LMF1: variants seen among roughly 807,000 people sequenced by gnomAD.
LMF1 encodes transmembrane protein 112.
A neutral mutation model predicts 60.6 loss-of-function variants in LMF1; 68 were observed. That is an observed-to-expected ratio of 1.12 (90% CI 0.92 to 1.37). The LOEUF is 1.37. Among genes scored for constraint, LMF1 ranks in the 40% most tolerant of loss-of-function variants. LMF1 has a pLI of 0.00. For synonymous variants in LMF1, 418 were observed against 324.7 expected, an observed-to-expected ratio of 1.29 and a Z score of -3.09; for missense variants, 948 against 767.2, an observed-to-expected ratio of 1.24 and a Z score of -2.78.
intron 2 of LMF1, among the ~76,000 whole-genome samples, chr16:946,647 A>G (rs140761966): frequency 6.6e-6 from 1 of 152,346 alleles, no homozygotes; most frequent in African/African-American, 2.4e-5. Context: ...TCCCGTCTAC[A>G]GGTATGCTGT....
chr16:959,718 G>C (rs79133743), intron 1 of LMF1, among the ~76,000 whole-genome samples: 149 of 152,292 alleles, frequency 9.8e-4, no homozygotes, highest in Admixed American at 3.1e-3. Context: ...TTTCCCCCCC[G>C]GGCCTGGGTG....
rs555435528 is a variant in LMF1, at chr16:854,627, G to T, written c.1609C>A (p.Arg537=). Residue 537 remains arginine, a synonymous_variant, in exon 11 of 11, where the codon CGG becomes AGG. Coordinates refer to ENST00000262301, the MANE Select transcript of LMF1 (RefSeq NM_022773.4). ...RHAAEGKWWV[R]KRIGAYFPPL... is the part of the protein sequence containing the mutation. ...GGGAAGTAGGCTCCGATCCTCTTCCGCACCCACCACTTGCCCTCGGCGGCG... is the reference window on the plus strand; with the variant it reads ...GGGAAGTAGGCTCCGATCCTCTTCCTCACCCACCACTTGCCCTCGGCGGCG... The T allele has an allele frequency of 2.5e-6, 4 of 1,606,650 alleles. No individual in the cohort carries two copies. The highest frequency in any genetic ancestry group is 1.3e-5 in the African/African-American group (1 of 74,840).
upstream of LMF1, chr16:981,303 T>TGTGA (rs1189305191): frequency 1.5e-3 from 318 of 214,438 alleles, no homozygotes; most frequent in East Asian, 2.5e-3. Context: ...TGTGTGTGTG[T>TGTGA]GAGAGAGAGA....
intron 3 of LMF1, among the ~76,000 whole-genome samples, chr16:920,442 A>G (rs2071402185): frequency 6.6e-6 from 1 of 152,256 alleles, no homozygotes; most frequent in African/African-American, 2.4e-5. Flanking sequence ...CTCCAGAGCA[A>G]GAACTAAAAT....
intron 10 of LMF1, among the ~76,000 whole-genome samples, chr16:867,618 G>T (rs2069647991): frequency 6.6e-6 from 1 of 152,212 alleles, no homozygotes; most frequent in Non-Finnish European, 1.5e-5. Context: ...TGGCCACGTG[G>T]CAGGCAAGTC....
intron 4 of LMF1, among the ~76,000 whole-genome samples, chr16:908,977 G>A (rs180896812): frequency 3.2e-4 from 49 of 152,276 alleles, no homozygotes; most frequent in African/African-American, 1.1e-3. Context: ...ACCTTGTCCT[G>A]GGGGGTGAGA....
At chr16:860,484 C>A (rs1228227918) in intron 10 of LMF1, among the ~76,000 whole-genome samples, 1 of 152,036 alleles carries the variant, frequency 6.6e-6, no homozygotes, top group South Asian at 2.1e-4. Context: ...GGACTACAGG[C>A]ATGTGCCACC....
intron 6 of LMF1, chr16:873,390 G>C (rs1037219270): frequency 6.6e-6 from 1 of 152,322 alleles, no homozygotes; most frequent in Non-Finnish European, 1.5e-5. Flanking sequence ...GCCCGAGGGG[G>C]TCCCCAAGGC....
Position 892,996 on chromosome 16 carries a change from G to A in LMF1, c.729+11C>T, listed in dbSNP as rs115160917. The A allele has an allele frequency of 1.8e-5, 28 of 1,545,164 alleles. No homozygotes were observed. Among genetic ancestry groups the A allele is most frequent in the Middle Eastern group, 1.7e-4 (1 of 5,928 alleles). Reference sequence around the variant, plus strand: ...CGGGTGCCCTGCCCTCACGCTGCACGGCACGCTCACCTCATAGTGGAAGTC... The same window carrying A: ...CGGGTGCCCTGCCCTCACGCTGCACAGCACGCTCACCTCATAGTGGAAGTC... On this transcript the variant is annotated intron_variant, in intron 5 of 10. Coordinates refer to ENST00000262301, the MANE Select transcript of LMF1 (RefSeq NM_022773.4).
Position 954,457 on chromosome 16 carries a change from C to T in LMF1, c.403G>A (p.Gly135Ser). 1 of 1,612,834 alleles carries T rather than the reference C, an allele frequency of 6.2e-7. No homozygotes were observed. The highest frequency in any genetic ancestry group is 1.7e-4 in the Middle Eastern group (1 of 6,058). Residue 135 changes from glycine (G) to serine (S), a missense_variant, in exon 2 of 11, where the codon GGC (glycine) becomes AGC (serine). Gly to Ser is a moderately conservative substitution (Grantham distance 56). Transcript: ENST00000262301. ...GTGATCAGTACGAAAGACGAGATGC[C>T]CAGTCCGAGAAGAGCCAGCAAGTCC... ...NLDLLALLGL[G>S]ISSFVLITGC...
chr16:956,391 G>A (rs1463095487), intron 1 of LMF1, among the ~76,000 whole-genome samples: 2 of 152,126 alleles, frequency 1.3e-5, no homozygotes, highest in Non-Finnish European at 2.9e-5. Context: ...ATGTGTAAAC[G>A]TGAAGAATGA....
chr16:926,105 T>A (rs1437801310), intron 3 of LMF1, among the ~76,000 whole-genome samples: 1 of 151,742 alleles, frequency 6.6e-6, no homozygotes, highest in African/African-American at 2.4e-5. Context: ...GTGTGCACGT[T>A]TGCATATGAT....
At chr16:976,277 G>T (rs112023297) in intron 1 of LMF1, 1 of 449,884 alleles carries the variant, frequency 2.2e-6, no homozygotes, top group African/African-American at 2.0e-5. Flanking sequence ...GGATCTAGGG[G>T]ATGAGGGCCC....
intron 3 of LMF1, among the ~76,000 whole-genome samples, chr16:932,840 G>A (rs1031247445): frequency 1.3e-5 from 2 of 152,148 alleles, no homozygotes; most frequent in Non-Finnish European, 2.9e-5. Flanking sequence ...CTGCGGGGGA[G>A]GCCCAGGGAC....
At chr16:969,859 C>T (rs1342470291) in intron 1 of LMF1, among the ~76,000 whole-genome samples, 1 of 152,238 alleles carries the variant, frequency 6.6e-6, no homozygotes, top group Non-Finnish European at 1.5e-5. Context: ...GATCACAGAA[C>T]CGTTCTCTTC....
At chr16:916,427 TAA>T (rs1415679284) in intron 3 of LMF1, among the ~76,000 whole-genome samples, 4 of 152,204 alleles carry the variant, frequency 2.6e-5, no homozygotes, top group Non-Finnish European at 2.9e-5. Flanking sequence ...TGGGAGCTTT[TAA>T]AAGTTTCCTT....
At chr16:888,034 G>A (rs560782887) in intron 5 of LMF1, among the ~76,000 whole-genome samples, 22 of 152,346 alleles carry the variant, frequency 1.4e-4, no homozygotes, top group African/African-American at 4.8e-4. Flanking sequence ...ACTCTGGGGG[G>A]CTCCGTGCCC....
At chr16:914,988 A>G (rs956621150) in intron 3 of LMF1, among the ~76,000 whole-genome samples, 1 of 152,010 alleles carries the variant, frequency 6.6e-6, no homozygotes, top group South Asian at 2.1e-4. Context: ...GTCTCTAAGG[A>G]CTCCGGCCTC....
intron 10 of LMF1, among the ~76,000 whole-genome samples, chr16:867,494 CAG>C (rs1466861426): frequency 1.3e-5 from 2 of 152,164 alleles, no homozygotes; most frequent in African/African-American, 2.4e-5. Flanking sequence ...GGGGCAGTAA[CAG>C]AGAAGACCCG....
Sources: allele counts gnomAD v4.1 joint callset (sites outside exome capture counted in the v4.1 genomes callset), GRCh38; gene constraint gnomAD v4.1.1; transcripts MANE v1.5; gene names NCBI Gene and HGNC (gene_info 2026-07-23, HGNC 2026-07-21).